The following CHTF18 variants were observed in gnomAD, a reference collection of about 807,000 sequenced individuals.
CHTF18 encodes chromosome transmission fidelity factor 18.
In CHTF18, 151 loss-of-function variants were observed where a neutral mutation model predicts 113.4. The observed-to-expected ratio is 1.33, with a 90% CI of 1.17 to 1.52. CHTF18 has a LOEUF of 1.52. Among genes scored for constraint, CHTF18 ranks in the 40% most tolerant of loss-of-function variants. The pLI is 0.00. For missense variants in CHTF18, 1,982 were observed against 1,381.6 expected (o/e 1.43, Z -6.89); for synonymous variants, 916 against 598.8 (o/e 1.53, Z -7.74).
chr16:788,954 G>A lies in CHTF18; in HGVS notation c.115G>A (p.Gly39Arg). 1 of 1,563,906 alleles carries A rather than the reference G, an allele frequency of 6.4e-7. No individual in the cohort carries two copies. The highest frequency in any genetic ancestry group is 1.1e-5 in the South Asian group (1 of 87,462). ...LEGASTPSPS[G>R]VPLFTAGRPP... ...AGGGGCGTCGACTCCGTCGCCCTCC[G>A]GGGTCCCCCTGTTCACCGCGGGCCG... The change falls in exon 2 of 22, where the codon GGG becomes AGG. Residue 39 changes from glycine (G) to arginine (R), a missense_variant. By Grantham distance (125) the Gly-to-Arg change is moderately radical (BLOSUM62 -2). Coordinates refer to ENST00000262315, the MANE Select transcript of CHTF18 (RefSeq NM_022092.3).
intron 20 of CHTF18, 93 bp from the exon 21 acceptor site, chr16:797,601 T>C (rs1011002396): frequency 7.1e-6 from 10 of 1,414,370 alleles, no homozygotes; most frequent in Admixed American, 7.1e-5. Context: ...TTCTGGTCCC[T>C]CCTCCCTGGG....
rs564479322 is a variant in CHTF18, at chr16:788,997, A to T, written c.158A>T (p.Glu53Val). The T allele has an allele frequency of 4.5e-6, 7 of 1,560,812 alleles. No individual in the cohort carries two copies. Among genetic ancestry groups the T allele is most frequent in the Non-Finnish European group, 6.0e-6 (7 of 1,159,028 alleles). ...GCGGGCCGACCCCCGCGGACGTTCG[A>T]GGAGGCCCTTGCCAGAGGGGACGCG... Reference protein sequence around the residue: ...FTAGRPPRTFEEALARGDAAS... With the variant: ...FTAGRPPRTFVEALARGDAAS... The change falls in exon 2 of 22, where the codon GAG (glutamate) becomes GTG (valine). Residue 53 changes from glutamate (E) to valine (V), a missense_variant. Glu to Val is a moderately radical substitution (Grantham distance 121, BLOSUM62 -2). Coordinates refer to ENST00000262315, the MANE Select transcript of CHTF18 (RefSeq NM_022092.3).
chr16:789,486 C>G (rs1254647171), intron 3 of CHTF18, 61 bp from the exon 4 acceptor site: 1 of 1,549,186 alleles, frequency 6.5e-7, no homozygotes, highest in Non-Finnish European at 8.7e-7. Flanking sequence ...GTCTCGGACA[C>G]CCATATCCAA....
chr16:793,209 C>T lies in CHTF18; in HGVS notation c.1737C>T (p.Leu579=), dbSNP rs774387234. 11 of 1,609,262 alleles carry T rather than the reference C, an allele frequency of 6.8e-6. No homozygotes were observed. The highest frequency in any genetic ancestry group is 9.3e-6 in the Non-Finnish European group (11 of 1,178,876). The change falls in exon 14 of 22, where the codon CTC becomes CTT. Residue 579 remains leucine, a synonymous_variant. Transcript: ENST00000262315. ...ACGTGCAGGCCACACGCGTGGGCCT[C>T]AAGGACCAGCGCAGAGGGCTCTTCT... ...VRDVQATRVG[L]KDQRRGLFSV...
chr16:790,934 A>C (rs948682963), intron 7 of CHTF18: 2 of 1,432,762 alleles, frequency 1.4e-6, no homozygotes, highest in African/African-American at 2.9e-5. Flanking sequence ...CTGACACTGG[A>C]GTGCCCCTGG....
At chr16:791,023 G>A (rs528615881) in intron 7 of CHTF18, 138 bp from the exon 8 acceptor site, 19 of 1,475,896 alleles carry the variant, frequency 1.3e-5, no homozygotes, top group African/African-American at 1.1e-4. Context: ...GCGGTCACTC[G>A]CTGGCAGGAA....
rs538358134 is a variant in CHTF18 at position 794,297 on chromosome 16, G to T, written c.1950+96G>T. ...CCGGTCCTCCCGTATGGACGGGGAG[G>T]CGCTTTGGGGGTGCTGAGAGAGGCA... On this transcript the variant is annotated intron_variant, in intron 15 of 21. Transcript: ENST00000262315. The T allele has an allele frequency of 6.3e-5, 90 of 1,425,336 alleles. 2 individuals carry two copies. In the South Asian group the frequency reaches 1.1e-3, roughly 18 times the overall value. 88.3% of individuals were successfully genotyped at this position (1,425,336 alleles called of 1,614,324 possible).
At position 792,933 on chromosome 16, in the gene CHTF18, C is replaced by T. The variant is rs1039287905; in HGVS notation, c.1573-33C>T. On this transcript the variant is annotated intron_variant, in intron 12 of 21. Coordinates refer to ENST00000262315, the MANE Select transcript of CHTF18 (RefSeq NM_022092.3). ...GTAACCCCTGAAAGGATGGGGCATA[C>T]CATCGGGCCCTCCAGCAGCCCTTCT... 6 of 1,544,470 alleles carry T rather than the reference C, an allele frequency of 3.9e-6. No homozygotes were observed. The East Asian group carries it at 7.3e-5, about 19-fold the overall frequency.
At chr16:793,802 G>A (rs1408962613) in intron 14 of CHTF18, 2 of 653,480 alleles carry the variant, frequency 3.1e-6, no homozygotes, top group South Asian at 1.7e-5. Flanking sequence ...CTTTCCCTGG[G>A]GTCCCCTAAC....
At chr16:790,018 G>C in intron 4 of CHTF18, 159 bp from the exon 5 acceptor site, 1 of 1,535,566 alleles carries the variant, frequency 6.5e-7, no homozygotes, top group Non-Finnish European at 8.7e-7. Context: ...TGACCCATCT[G>C]GATGGCTTCA....
intron 9 of CHTF18, 41 bp downstream of exon 9, chr16:791,989 T>C (rs2042210583): frequency 3.8e-6 from 6 of 1,571,680 alleles, no homozygotes; most frequent in South Asian, 3.5e-5. Flanking sequence ...CCTTCTGTCC[T>C]GACGTGTTTG....
Position 790,893 on chromosome 16 carries a change from GTC to G in CHTF18, c.894+231_894+232del, listed in dbSNP as rs1259225233. 6 of 1,432,116 alleles carry G rather than the reference GTC, an allele frequency of 4.2e-6. No homozygotes were observed. The African/African-American group carries it at 4.3e-5, about 10-fold the overall frequency. 88.7% of individuals were successfully genotyped at this position (1,432,116 alleles called of 1,614,324 possible). A position where few individuals can be genotyped will look rare whatever the true frequency, so the allele number is the denominator to read the frequency against. On this transcript the variant is annotated intron_variant, in intron 7 of 21. Coordinates refer to ENST00000262315, the MANE Select transcript of CHTF18 (RefSeq NM_022092.3). ...GGGTCCAGGGTGTCACCTGATCCAA[GTC>G]TCTGTTCCCTTTCCTACCTTCACAG...
At chr16:791,462 C>A in intron 8 of CHTF18, 92 bp downstream of exon 8, 1 of 1,471,504 alleles carries the variant, frequency 6.8e-7, no homozygotes, top group East Asian at 2.5e-5. Context: ...CTCCAGGAGC[C>A]GTGGGTGTGG....
chr16:792,682 A>G (rs1469464403), intron 11 of CHTF18, 36 bp from the exon 12 acceptor site: 1 of 1,583,220 alleles, frequency 6.3e-7, no homozygotes, highest in Non-Finnish European at 8.6e-7. Context: ...CTGTGGTGCC[A>G]ACCCTGGGGT....
rs1237288820 is a variant in CHTF18, at chr16:789,723, G to A, written c.606+8G>A. 9.5e-6 allele frequency: 15 copies of A among 1,575,990 alleles called. No homozygotes were observed. Among genetic ancestry groups the A allele is most frequent in the Admixed American group, 3.5e-5 (2 of 57,920 alleles). ...ATGGCCCCGGGGGTGCAGGTGCGTG[G>A]CTGTGGCCTTCCTGCACGGTGGGTG... On this transcript the variant is annotated splice_region_variant and intron_variant, in intron 4 of 21. Transcript: ENST00000262315.
chr16:790,888 T>G (rs2042178816), intron 7 of CHTF18: 14 of 1,432,214 alleles, frequency 9.8e-6, no homozygotes, highest in Non-Finnish European at 1.3e-5. Flanking sequence ...TGTCACCTGA[T>G]CCAAGTCTCT....
rs2042304299 is a variant in CHTF18, at chr16:795,245, C to T, written c.2064C>T (p.His688=). ...ACCTGCTGGCGGGGGCTGCTCATCACAGCCAGAGCTTCCAGCTGCTGCGCT... is the reference window on the plus strand; with the variant it reads ...ACCTGCTGGCGGGGGCTGCTCATCATAGCCAGAGCTTCCAGCTGCTGCGCT... ...FDDLLAGAAH[H]SQSFQLLRYP... Residue 688 remains histidine, a synonymous_variant, in exon 16 of 22, where the codon CAC becomes CAT. Transcript: ENST00000262315. The T allele has an allele frequency of 6.5e-7, 1 of 1,549,836 alleles. No homozygotes were observed. Among genetic ancestry groups the T allele is most frequent in the Non-Finnish European group, 8.7e-7 (1 of 1,147,126 alleles).
Position 793,236 on chromosome 16 carries a change from G to C in CHTF18, c.1764G>C (p.Ser588=), listed in dbSNP as rs778825758. ...AGGACCAGCGCAGAGGGCTCTTCTC[G>C]GTGTGGCAGGAGGTCTTCCAGCTGC... ...GLKDQRRGLF[S]VWQEVFQLPR... The change falls in exon 14 of 22, where the codon TCG becomes TCC. Residue 588 remains serine, a synonymous_variant. Coordinates refer to ENST00000262315, the MANE Select transcript of CHTF18 (RefSeq NM_022092.3). 2 of 1,608,506 alleles carry C rather than the reference G, an allele frequency of 1.2e-6. No homozygotes were observed. The highest frequency in any genetic ancestry group is 1.1e-5 in the South Asian group (1 of 90,308).
In CHTF18 at chr16:791,498, G is replaced by A. The variant is rs537935315; in HGVS notation, c.1104+128G>A. 2.2e-5 allele frequency: 32 copies of A among 1,444,316 alleles called. No individual in the cohort carries two copies. The South Asian group carries it at 2.5e-4, about 11-fold the overall frequency. The allele number at this position is 1,444,316 out of a possible 1,614,324, so 89.5% of individuals were successfully genotyped here. A position where few individuals can be genotyped will look rare whatever the true frequency, so the allele number is the denominator to read the frequency against. ...TGACGTGTGGGTCTTGGCGTGAAGCGCCATTAGCGTGAGTTAGAACTGGAG... is the reference window on the plus strand; with the variant it reads ...TGACGTGTGGGTCTTGGCGTGAAGCACCATTAGCGTGAGTTAGAACTGGAG... On this transcript the variant is annotated intron_variant, in intron 8 of 21. Transcript: ENST00000262315.
Sources: gnomAD v4.1 joint callset for allele counts on GRCh38, gnomAD v4.1.1 for gene constraint, MANE v1.5 for transcripts, NCBI Gene and HGNC (gene_info 2026-07-23, HGNC 2026-07-21) for gene names.